CNTNAP2: variants seen among roughly 807,000 people sequenced by gnomAD.
CNTNAP2 encodes contactin associated protein 2.
CNTNAP2 carries 98 observed loss-of-function variants against 155.2 expected under a neutral mutation model. That is an observed-to-expected ratio of 0.63 (90% CI 0.54 to 0.75). The LOEUF (loss-of-function observed/expected upper bound fraction) is 0.75. Ranked by LOEUF, CNTNAP2 falls within the 30% of genes least tolerant of loss-of-function variation. The pLI, the probability that CNTNAP2 is intolerant of heterozygous loss-of-function variation, is 0.00. For synonymous variants in CNTNAP2, 651 were observed against 631.2 expected (o/e 1.03, Z -0.47); for missense variants, 1,727 against 1,688.1 (o/e 1.02, Z -0.40).
intron 15 of CNTNAP2, among the ~76,000 whole-genome samples, chr7:148,072,494 A>T (rs930647671): frequency 2.0e-5 from 3 of 152,232 alleles, no homozygotes; most frequent in African/African-American, 7.2e-5. Flanking sequence ...TGCAAATTTT[A>T]TGTGTAAGGA....
chr7:146,515,524 A>C (rs1159863166), intron 1 of CNTNAP2, among the ~76,000 whole-genome samples: 2 of 151,994 alleles, frequency 1.3e-5, no homozygotes, highest in Non-Finnish European at 2.9e-5. Context: ...TTCAGTTTTA[A>C]TTTTGTGAAG....
chr7:148,022,030 T>A (rs78059294), intron 15 of CNTNAP2, among the ~76,000 whole-genome samples: 1 of 152,154 alleles, frequency 6.6e-6, no homozygotes, highest in Admixed American at 6.5e-5. Flanking sequence ...GGACTTATCT[T>A]GCTCTCTCTC....
chr7:146,323,208 G>A (rs1381540406), intron 1 of CNTNAP2, among the ~76,000 whole-genome samples: 1 of 152,092 alleles, frequency 6.6e-6, no homozygotes, highest in African/African-American at 2.4e-5. Context: ...AAGTGATTAT[G>A]CAGTGTTGAA....
intron 21 of CNTNAP2, among the ~76,000 whole-genome samples, chr7:148,270,758 G>A (rs923497134): frequency 6.6e-6 from 1 of 152,226 alleles, no homozygotes; most frequent in African/African-American, 2.4e-5. Flanking sequence ...CGATCATGAA[G>A]TAGAAAGAAT....
intron 1 of CNTNAP2, among the ~76,000 whole-genome samples, chr7:146,525,020 T>C (rs1797668040): frequency 6.6e-6 from 1 of 152,088 alleles, no homozygotes; most frequent in African/African-American, 2.4e-5. Context: ...CAAAGTAACT[T>C]TTAAACAACT....
chr7:146,406,021 A>G (rs933549276), intron 1 of CNTNAP2, among the ~76,000 whole-genome samples: 4 of 152,214 alleles, frequency 2.6e-5, no homozygotes, highest in African/African-American at 9.7e-5. Flanking sequence ...GATATTTTAA[A>G]GTAAATTTAA....
intron 1 of CNTNAP2, among the ~76,000 whole-genome samples, chr7:146,759,711 A>AAAAAAAAAAAAAAAAAAAAAAG (rs1309834469): frequency 1.6e-5 from 1 of 60,732 alleles, no homozygotes. Context: ...AAAAAAAAAA[A>AAAAAAAAAAAAAAAAAAAAAAG]GGTGGGTGGG....
intron 10 of CNTNAP2, among the ~76,000 whole-genome samples, chr7:147,472,638 G>A (rs1798245740): frequency 6.6e-6 from 1 of 152,134 alleles, no homozygotes. Flanking sequence ...TGGGGTGGGT[G>A]GGGTTAGGAG....
At chr7:147,775,295 TTA>T (rs1356258296) in intron 13 of CNTNAP2, among the ~76,000 whole-genome samples, 22 of 39,236 alleles carry the variant, frequency 5.6e-4, no homozygotes, top group African/African-American at 1.9e-3. Context: ...ATATATATAT[TTA>T]TATATATTTA....
intron 13 of CNTNAP2, among the ~76,000 whole-genome samples, chr7:147,775,917 T>G (rs1797576869): frequency 6.6e-6 from 1 of 152,200 alleles, no homozygotes; most frequent in Admixed American, 6.5e-5. Flanking sequence ...TTCAGAACTT[T>G]GAAGGGCTGA....
intron 4 of CNTNAP2, among the ~76,000 whole-genome samples, chr7:147,061,924 T>C (rs113280941): frequency 0.05 from 7,469 of 150,342 alleles, no homozygotes; most frequent in African/African-American, 0.15. Context: ...GTCAGGAGAT[T>C]GAGACCATCC....
intron 1 of CNTNAP2, among the ~76,000 whole-genome samples, chr7:146,179,612 A>G (rs1306618784): frequency 1.3e-5 from 2 of 152,172 alleles, no homozygotes; most frequent in Non-Finnish European, 2.9e-5. Flanking sequence ...TAGAGATCCT[A>G]AGATCCAAAC....
intron 21 of CNTNAP2, among the ~76,000 whole-genome samples, chr7:148,360,251 C>T (rs561730783): frequency 3.9e-5 from 6 of 152,186 alleles, no homozygotes; most frequent in East Asian, 3.9e-4. Flanking sequence ...ATTAAACCTT[C>T]GGGACATGCA....
At chr7:147,992,533 C>T (rs6958434) in intron 15 of CNTNAP2, among the ~76,000 whole-genome samples, 33,279 of 152,012 alleles carry the variant, frequency 0.22, 4,222 homozygotes, top group African/African-American at 0.34. Context: ...GGAATAGATG[C>T]CTAGTCCCAA....
At chr7:147,512,501 T>C (rs1799039530) in intron 11 of CNTNAP2, among the ~76,000 whole-genome samples, 1 of 152,208 alleles carries the variant, frequency 6.6e-6, no homozygotes, top group African/African-American at 2.4e-5. Context: ...CATATTCAAC[T>C]TTCATACATC....
intron 1 of CNTNAP2, among the ~76,000 whole-genome samples, chr7:146,734,151 G>A (rs921370120): frequency 6.6e-6 from 1 of 152,010 alleles, no homozygotes; most frequent in African/African-American, 2.4e-5. Flanking sequence ...TAAAAGGTGA[G>A]GTACAGAGGT....
At chr7:148,229,257 C>T (rs1416275879) in intron 19 of CNTNAP2, among the ~76,000 whole-genome samples, 2 of 152,226 alleles carry the variant, frequency 1.3e-5, no homozygotes, top group African/African-American at 4.8e-5. Flanking sequence ...GGCATGGTGG[C>T]TCACGCCTGT....
At chr7:147,104,364 G>C (rs1032142128) in intron 4 of CNTNAP2, among the ~76,000 whole-genome samples, 9 of 152,000 alleles carry the variant, frequency 5.9e-5, no homozygotes, top group African/African-American at 2.2e-4. Context: ...AAAATGTACA[G>C]TAACAAAAAT....
At chr7:148,388,143 CT>C (rs1358042456) in intron 22 of CNTNAP2, among the ~76,000 whole-genome samples, 1 of 152,106 alleles carries the variant, frequency 6.6e-6, no homozygotes, top group African/African-American at 2.4e-5. Flanking sequence ...TCTTTTATTC[CT>C]TTTTGTTTTA....
Sources: allele counts gnomAD v4.1 joint callset (sites outside exome capture counted in the v4.1 genomes callset), GRCh38; gene constraint gnomAD v4.1.1; transcripts MANE v1.5; gene names NCBI Gene and HGNC (gene_info 2026-07-23, HGNC 2026-07-21).